The following SNU13 variants were observed in gnomAD, a reference collection of about 807,000 sequenced individuals.
SNU13 encodes the protein NHP2-like protein 1.
Under a neutral mutation model 12.4 loss-of-function variants are expected in SNU13, and 2 were observed. The observed-to-expected ratio is 0.16, with a 90% confidence interval of 0.07 to 0.51. The LOEUF is 0.51. Ranked by LOEUF, SNU13 falls within the 20% of genes least tolerant of loss-of-function variation. The pLI, the probability that SNU13 is intolerant of heterozygous loss-of-function variation, is 0.96. For synonymous variants in SNU13, 68 were observed against 66.5 expected (o/e 1.02, Z -0.11); for missense variants, 66 against 157.8 (o/e 0.42, Z 3.12).
At chr22:41,682,442 AG>A in intron 1 of SNU13, 1 of 1,610,140 alleles carries the variant, frequency 6.2e-7, no homozygotes. Flanking sequence ...CAGCACCGCA[AG>A]GACACGGATG....
At chr22:41,685,968 CA>C (rs546316422) in intron 1 of SNU13, among the ~76,000 whole-genome samples, 95,743 of 126,114 alleles carry the variant, frequency 0.76, 35,453 homozygotes, top group East Asian at 0.92. Context: ...GACTCTGTCT[CA>C]AAAAAAAAAA....
At chr22:41,681,679 C>G (rs1437951797) in intron 1 of SNU13, 1 of 153,054 alleles carries the variant, frequency 6.5e-6, no homozygotes, top group Non-Finnish European at 1.5e-5. Context: ...TACTGTAATA[C>G]TTATGGATAA....
chr22:41,675,220 A>T (rs775515101), intron 2 of SNU13, 25 bp from the exon 3 acceptor site: 6 of 1,607,746 alleles, frequency 3.7e-6, no homozygotes, highest in Non-Finnish European at 5.1e-6. Context: ...ACGTGAAGCT[A>T]ATAGGTGATG....
Position 41,688,804 on chromosome 22 carries a change from G to T in SNU13, c.-8C>A. 1 of 1,601,180 alleles carries T rather than the reference G, an allele frequency of 6.2e-7. No individual in the cohort carries two copies. Among genetic ancestry groups the T allele is most frequent in the Non-Finnish European group, 8.5e-7 (1 of 1,170,922 alleles). ...GGCGCACGCACTCACCATGGCTGCGGTTCCGCGGGCTCAGCACTCCTAGGG... is the reference window on the plus strand; with the variant it reads ...GGCGCACGCACTCACCATGGCTGCGTTTCCGCGGGCTCAGCACTCCTAGGG... On this transcript the variant is annotated 5_prime_UTR_variant, in exon 1 of 3. Coordinates refer to ENST00000401959, the MANE Select transcript of SNU13 (RefSeq NM_001003796.2).
chr22:41,688,611 T>C (rs2068331768), intron 1 of SNU13, among the ~76,000 whole-genome samples, 183 bp downstream of exon 1: 2 of 152,194 alleles, frequency 1.3e-5, no homozygotes, highest in African/African-American at 4.8e-5. Flanking sequence ...TCCTGAGTTC[T>C]AACCTCGGGC....
intron 1 of SNU13, chr22:41,682,644 G>A: frequency 2.5e-6 from 3 of 1,190,968 alleles, no homozygotes; most frequent in African/African-American, 1.6e-5. Context: ...GGTTGGGGGA[G>A]GTCAAGGGAA....
intron 2 of SNU13, among the ~76,000 whole-genome samples, chr22:41,676,138 T>C (rs2068211601): frequency 6.6e-6 from 1 of 152,146 alleles, no homozygotes; most frequent in Admixed American, 6.6e-5. Context: ...TAGTAGTATA[T>C]TAATAATATA....
Position 41,674,625 on chromosome 22 carries a change from C to T in SNU13, c.*308G>A, listed in dbSNP as rs138883071. 254 of 346,702 alleles carry T rather than the reference C, an allele frequency of 7.3e-4. No homozygotes were observed. The highest frequency in any genetic ancestry group is 5.1e-3 in the African/African-American group (246 of 47,902). The allele number at this position is 346,702 out of a possible 1,614,324, so 21.5% of individuals were successfully genotyped here. A position where few individuals can be genotyped will look rare whatever the true frequency, so the allele number is the denominator to read the frequency against. ...AGCTGGAACCAGATCTCTGTCCTGG[C>T]TCCATCAGCTTTCTCCTGGCTCTTT... On this transcript the variant is annotated 3_prime_UTR_variant, in exon 3 of 3. Coordinates refer to ENST00000401959, the MANE Select transcript of SNU13 (RefSeq NM_001003796.2).
In SNU13 at chr22:41,675,111, G is replaced by A. The variant is rs1405593089; in HGVS notation, c.209C>T (p.Pro70Leu). 6 of 1,614,060 alleles carry A rather than the reference G, an allele frequency of 3.7e-6. No individual in the cohort carries two copies. Among genetic ancestry groups the A allele is most frequent in the African/African-American group, 1.3e-5 (1 of 74,934 alleles). Residue 70 changes from proline (P) to leucine (L), a missense_variant, in exon 3 of 3, where the codon CCG (proline) becomes CTG (leucine). Transcript: ENST00000401959. ...AEPLEIILHL[P>L]LLCEDKNVPY... is the part of the protein sequence containing the mutation. ...CACATTCTTGTCTTCACACAGCAGCGGCAGGTGCAGAATGATCTCCAGTGG... is the reference window on the plus strand; with the variant it reads ...CACATTCTTGTCTTCACACAGCAGCAGCAGGTGCAGAATGATCTCCAGTGG...
rs1467824475 is a variant in SNU13 at position 41,680,511 on chromosome 22, T to C, written c.4-147A>G. On this transcript the variant is annotated intron_variant, in intron 1 of 2. Coordinates refer to ENST00000401959, the MANE Select transcript of SNU13 (RefSeq NM_001003796.2). ...ACACAAAACACCAGGTAGTTAACAA[T>C]GGACTTTCCACTCCTACCTTCGAAA... 6.7e-6 allele frequency: 5 copies of C among 745,360 alleles called. No homozygotes were observed. The African/African-American group carries it at 7.1e-5, about 11-fold the overall frequency. 46.2% of individuals were successfully genotyped at this position (745,360 alleles called of 1,614,324 possible). A position where few individuals can be genotyped will look rare whatever the true frequency, so the allele number is the denominator to read the frequency against.
intron 1 of SNU13, chr22:41,682,324 C>A (rs921373291): frequency 1.3e-6 from 2 of 1,596,314 alleles, no homozygotes; most frequent in African/African-American, 2.7e-5. Context: ...CGGGAGGTGA[C>A]CCGGAGATAA....
intron 1 of SNU13, among the ~76,000 whole-genome samples, chr22:41,683,884 G>A (rs985898647): frequency 6.6e-6 from 1 of 151,960 alleles, no homozygotes; most frequent in Non-Finnish European, 1.5e-5. Context: ...GGACACACAG[G>A]AGTTTAGGAG....
chr22:41,681,771 G>A (rs1433644286), intron 1 of SNU13, among the ~76,000 whole-genome samples: 2 of 152,176 alleles, frequency 1.3e-5, no homozygotes, highest in Non-Finnish European at 2.9e-5. Flanking sequence ...CTAGCTACTC[G>A]AGAGGCTGAC....
At chr22:41,676,308 G>A (rs1479160821) in intron 2 of SNU13, among the ~76,000 whole-genome samples, 3 of 152,082 alleles carry the variant, frequency 2.0e-5, no homozygotes, top group Admixed American at 6.6e-5. Flanking sequence ...GCTTGCCTCT[G>A]TGGCTCAGTG....
chr22:41,679,012 C>T (rs1316688997), intron 2 of SNU13, among the ~76,000 whole-genome samples: 1 of 152,178 alleles, frequency 6.6e-6, no homozygotes, highest in East Asian at 1.9e-4. Flanking sequence ...TATCCTAACA[C>T]TTTGGGAGGC....
chr22:41,682,206 C>A, intron 1 of SNU13: 4 of 788,432 alleles, frequency 5.1e-6, no homozygotes, highest in South Asian at 2.9e-5. Flanking sequence ...ATCTATAGCG[C>A]CTGCCTCGGT....
In SNU13 at chr22:41,674,892, G is replaced by A; in HGVS notation, c.*41C>T. 6.2e-7 allele frequency: 1 copy of A among 1,600,888 alleles called. No individual in the cohort carries two copies. Among genetic ancestry groups the A allele is most frequent in the Non-Finnish European group, 8.5e-7 (1 of 1,171,218 alleles). ...ACAGATAATATGATACACAACCTCA[G>A]GGGGGAAGCTGGCAGGGAGCACGTG... On this transcript the variant is annotated 3_prime_UTR_variant, in exon 3 of 3. Transcript: ENST00000401959.
At chr22:41,675,269 T>A (rs2147130781) in intron 2 of SNU13, 74 bp from the exon 3 acceptor site, 3 of 1,555,126 alleles carry the variant, frequency 1.9e-6, no homozygotes, top group Non-Finnish European at 2.6e-6. Context: ...CTGGGAAGAA[T>A]GCCTAGGCAC....
intron 1 of SNU13, among the ~76,000 whole-genome samples, chr22:41,686,467 G>A (rs2068311156): frequency 6.6e-6 from 1 of 151,618 alleles, no homozygotes; most frequent in Non-Finnish European, 1.5e-5. Context: ...ACCACGCCCA[G>A]CTAATTTTTG....
Sources: allele counts gnomAD v4.1 joint callset (sites outside exome capture counted in the v4.1 genomes callset), GRCh38; gene constraint gnomAD v4.1.1; transcripts MANE v1.5; gene names NCBI Gene and HGNC (gene_info 2026-07-23, HGNC 2026-07-21).